Variants in MARCHF4 observed in about 807,000 individuals in gnomAD.
MARCHF4 encodes E3 ubiquitin-protein ligase MARCHF4.
A neutral mutation model predicts 43.9 loss-of-function variants in MARCHF4; 14 were observed. That is an observed-to-expected ratio of 0.32 (90% CI 0.21 to 0.50). The LOEUF is 0.50. Ranked by LOEUF, MARCHF4 falls within the 20% of genes least tolerant of loss-of-function variation. The pLI, the probability that MARCHF4 is intolerant of heterozygous loss-of-function variation, is 0.98. For missense variants in MARCHF4, 468 were observed against 536.7 expected (o/e 0.87, Z 1.27); for synonymous variants, 226 against 213.3 (o/e 1.06, Z -0.52).
At chr2:216,336,061 CTGT>C in intron 1 of MARCHF4, among the ~76,000 whole-genome samples, 1 of 93,854 alleles carries the variant, frequency 1.1e-5, no homozygotes, top group Non-Finnish European at 1.9e-5. Context: ...GAGTGAGACT[CTGT>C]CTAAAAAAAA....
At chr2:216,329,577 T>C (rs1574479369) in intron 1 of MARCHF4, among the ~76,000 whole-genome samples, 1 of 151,464 alleles carries the variant, frequency 6.6e-6, no homozygotes, top group Middle Eastern at 3.4e-3. Flanking sequence ...ACTGGATTAA[T>C]ATAAAAGAAG....
intron 1 of MARCHF4, among the ~76,000 whole-genome samples, chr2:216,355,642 C>G (rs1464175735): frequency 2.6e-5 from 4 of 152,188 alleles, no homozygotes; most frequent in Non-Finnish European, 5.9e-5. Flanking sequence ...GATACTCAAA[C>G]TGATTTTTTA....
At chr2:216,277,902 A>T in intron 2 of MARCHF4, 38 bp from the exon 3 acceptor site, 1 of 1,576,660 alleles carries the variant, frequency 6.3e-7, no homozygotes, top group Non-Finnish European at 8.7e-7. Context: ...AGTTGCTTGG[A>T]TGCCCTTATC....
intron 1 of MARCHF4, among the ~76,000 whole-genome samples, chr2:216,284,160 G>A (rs1351146789): frequency 6.6e-6 from 1 of 152,096 alleles, no homozygotes; most frequent in Non-Finnish European, 1.5e-5. Flanking sequence ...AGACTGAATT[G>A]GAAGGATCAG....
In MARCHF4 at chr2:216,370,966, G is replaced by T. The variant is rs1692750411; in HGVS notation, c.-706C>A. The T allele has an allele frequency of 6.6e-6, 1 of 151,996 alleles. No individual in the cohort carries two copies. The highest frequency in any genetic ancestry group is 1.5e-5 in the Non-Finnish European group (1 of 68,016). The allele number at this position is 151,996 out of a possible 1,614,324, so 9.4% of individuals were successfully genotyped here. A position where few individuals can be genotyped will look rare whatever the true frequency, so the allele number is the denominator to read the frequency against. On this transcript the variant is annotated 5_prime_UTR_variant, in exon 1 of 4. Coordinates refer to ENST00000273067, the MANE Select transcript of MARCHF4 (RefSeq NM_020814.3). The stretch of plus-strand genomic sequence containing the variant: ...GAGTTGCTTTTAAGAGAGCAGTTGG[G>T]TGGGGGAGGGGTGTTGCAGGTGAAA...
intron 1 of MARCHF4, among the ~76,000 whole-genome samples, chr2:216,367,813 TTC>T (rs1692689497): frequency 6.6e-6 from 1 of 152,254 alleles, no homozygotes; most frequent in South Asian, 2.1e-4. Context: ...AATGATTTTT[TTC>T]TTTTTCTTTT....
At chr2:216,319,412 G>A (rs1480938133) in intron 1 of MARCHF4, among the ~76,000 whole-genome samples, 2 of 152,086 alleles carry the variant, frequency 1.3e-5, no homozygotes, top group Admixed American at 6.6e-5. Flanking sequence ...CCCAGTGCAC[G>A]GCAGACACTC....
chr2:216,262,852 T>C (rs1479124831), intron 3 of MARCHF4, among the ~76,000 whole-genome samples: 3 of 152,146 alleles, frequency 2.0e-5, no homozygotes, highest in Non-Finnish European at 4.4e-5. Context: ...AAAGAGAATA[T>C]AAAATAAAAA....
intron 1 of MARCHF4, among the ~76,000 whole-genome samples, chr2:216,320,636 TTTCTTTCTTTC>T (rs1691868403): frequency 8.7e-6 from 1 of 114,512 alleles, no homozygotes; most frequent in Non-Finnish European, 1.7e-5. Context: ...TCTTTCTTTC[TTTCTTTCTTTC>T]TTTCTTTCTT....
At chr2:216,282,790 T>C (rs1053694083) in intron 2 of MARCHF4, among the ~76,000 whole-genome samples, 2 of 152,132 alleles carry the variant, frequency 1.3e-5, no homozygotes, top group Non-Finnish European at 2.9e-5. Context: ...AGGCCCTCAT[T>C]CCACCCTGGC....
chr2:216,363,701 G>T (rs558715173), intron 1 of MARCHF4, among the ~76,000 whole-genome samples: 1 of 152,192 alleles, frequency 6.6e-6, no homozygotes, highest in Non-Finnish European at 1.5e-5. Context: ...TTGCCTATTG[G>T]CCATGAAGGG....
intron 1 of MARCHF4, among the ~76,000 whole-genome samples, chr2:216,287,078 C>T (rs369233528): frequency 6.6e-6 from 1 of 152,200 alleles, no homozygotes; most frequent in Admixed American, 6.5e-5. Context: ...CCTGCTGCCC[C>T]ACCTGCACCT....
chr2:216,362,934 C>G (rs1177795652), intron 1 of MARCHF4, among the ~76,000 whole-genome samples: 1 of 152,136 alleles, frequency 6.6e-6, no homozygotes, highest in African/African-American at 2.4e-5. Flanking sequence ...TCCAGGCTCA[C>G]TTCCAACTTG....
rs182571490 is a variant in MARCHF4 at position 216,370,359 on chromosome 2, G to A, written c.-99C>T. ...GGTCCACAGTGGATCTGTGTTGTGG[G>A]GGGAGTCTGCTTTCTCACTGGCTTT... On this transcript the variant is annotated 5_prime_UTR_variant, in exon 1 of 4. Transcript: ENST00000273067. 2.6e-4 allele frequency: 255 copies of A among 993,298 alleles called. 1 individual carries two copies. In the African/African-American group the frequency reaches 3.7e-3, roughly 14 times the overall value. The allele number at this position is 993,298 out of a possible 1,614,324, so 61.5% of individuals were successfully genotyped here. A position where few individuals can be genotyped will look rare whatever the true frequency, so the allele number is the denominator to read the frequency against.
intron 1 of MARCHF4, among the ~76,000 whole-genome samples, chr2:216,291,857 G>T (rs759048849): frequency 6.6e-6 from 1 of 152,166 alleles, no homozygotes; most frequent in Non-Finnish European, 1.5e-5. Flanking sequence ...AGATAGAGAG[G>T]TTGTTACTTG....
At chr2:216,277,323 A>G (rs568282903) in intron 3 of MARCHF4, among the ~76,000 whole-genome samples, 1 of 152,332 alleles carries the variant, frequency 6.6e-6, no homozygotes, top group African/African-American at 2.4e-5. Flanking sequence ...ATCCCTTGTC[A>G]TGCTTGGCAG....
At chr2:216,349,821 T>C (rs891241226) in intron 1 of MARCHF4, among the ~76,000 whole-genome samples, 3 of 152,140 alleles carry the variant, frequency 2.0e-5, no homozygotes, top group Non-Finnish European at 4.4e-5. Flanking sequence ...TGCCTGGTTG[T>C]CACTGGGCAT....
At chr2:216,337,152 GAAAA>G (rs749557419) in intron 1 of MARCHF4, among the ~76,000 whole-genome samples, 2 of 107,626 alleles carry the variant, frequency 1.9e-5, no homozygotes, top group African/African-American at 3.5e-5. Context: ...ACTCCCTCTT[GAAAA>G]AAAAAAAAAA....
intron 1 of MARCHF4, among the ~76,000 whole-genome samples, chr2:216,292,639 T>A (rs746776189): frequency 2.6e-5 from 4 of 152,218 alleles, no homozygotes; most frequent in Non-Finnish European, 4.4e-5. Flanking sequence ...ATAAGGCTTG[T>A]CAGTAACACA....
Sources: allele counts gnomAD v4.1 joint callset (sites outside exome capture counted in the v4.1 genomes callset), GRCh38; gene constraint gnomAD v4.1.1; transcripts MANE v1.5; gene names NCBI Gene and HGNC (gene_info 2026-07-23, HGNC 2026-07-21).